PBX3: variants seen among roughly 807,000 people sequenced by gnomAD.
PBX3 encodes pre-B-cell leukemia transcription factor 3.
In PBX3, 14 loss-of-function variants were observed where a neutral mutation model predicts 48.5. The observed-to-expected ratio is 0.29, with a 90% CI of 0.19 to 0.45. The LOEUF (loss-of-function observed/expected upper bound fraction) is 0.45. PBX3 is among the 20% of genes least tolerant of loss of function. The pLI, the probability that PBX3 is intolerant of heterozygous loss-of-function variation, is 1.00. For missense variants in PBX3, 386 were observed against 546.7 expected, an observed-to-expected ratio of 0.71 and a Z score of 2.93; for synonymous variants, 210 against 200.3, an observed-to-expected ratio of 1.05 and a Z score of -0.41.
chr9:125,766,178 G>A (rs973358288), intron 2 of PBX3, among the ~76,000 whole-genome samples: 2 of 151,890 alleles, frequency 1.3e-5, no homozygotes, highest in African/African-American at 4.8e-5. Flanking sequence ...CCTTCTCCAT[G>A]TATTATTAGA....
intron 2 of PBX3, among the ~76,000 whole-genome samples, chr9:125,887,762 A>G (rs1840535213): frequency 6.6e-6 from 1 of 152,234 alleles, no homozygotes; most frequent in Non-Finnish European, 1.5e-5. Context: ...TTCCAGAATT[A>G]GAAAGCTAAT....
intron 2 of PBX3, among the ~76,000 whole-genome samples, chr9:125,808,929 G>C (rs1838206386): frequency 6.6e-6 from 1 of 152,050 alleles, no homozygotes; most frequent in South Asian, 2.1e-4. Flanking sequence ...TATTTTCTTT[G>C]TGGCACATCA....
At chr9:125,888,309 T>A (rs1484701024) in intron 2 of PBX3, among the ~76,000 whole-genome samples, 1 of 152,188 alleles carries the variant, frequency 6.6e-6, no homozygotes, top group African/African-American at 2.4e-5. Context: ...TTATTTTCAG[T>A]TATTGTACCT....
intron 2 of PBX3, among the ~76,000 whole-genome samples, chr9:125,843,309 G>A (rs1053780841): frequency 1.6e-4 from 25 of 152,174 alleles, no homozygotes; most frequent in African/African-American, 5.3e-4. Flanking sequence ...TTACTTAAAT[G>A]TGAGTATAAT....
chr9:125,802,495 A>G (rs1837988227), intron 2 of PBX3, among the ~76,000 whole-genome samples: 1 of 150,216 alleles, frequency 6.7e-6, no homozygotes, highest in South Asian at 2.1e-4. Context: ...CAGCCTCCCA[A>G]GTAGCTGAGA....
intron 1 of PBX3, chr9:125,748,237 G>C: frequency 3.9e-6 from 4 of 1,032,650 alleles, no homozygotes; most frequent in Non-Finnish European, 4.7e-6. Flanking sequence ...CTCCGCACCC[G>C]TCCCCTCCCC....
chr9:125,860,139 G>A (rs2132286505), intron 2 of PBX3, among the ~76,000 whole-genome samples: 1 of 152,318 alleles, frequency 6.6e-6, no homozygotes, highest in Non-Finnish European at 1.5e-5. Flanking sequence ...GCTCATTGTA[G>A]TCACACAGGA....
chr9:125,802,839 C>T (rs1397317559), intron 2 of PBX3, among the ~76,000 whole-genome samples: 9 of 151,716 alleles, frequency 5.9e-5, no homozygotes, highest in Admixed American at 2.0e-4. Context: ...CCACCACACC[C>T]GGGTAATTTT....
At chr9:125,824,866 C>T (rs531187733) in intron 2 of PBX3, among the ~76,000 whole-genome samples, 8 of 152,198 alleles carry the variant, frequency 5.3e-5, no homozygotes, top group Admixed American at 3.9e-4. Context: ...GTTTGCCATG[C>T]GTTGTGAAAA....
chr9:125,891,972 T>G (rs1840656223), intron 2 of PBX3, among the ~76,000 whole-genome samples: 1 of 152,222 alleles, frequency 6.6e-6, no homozygotes, highest in Admixed American at 6.5e-5. Flanking sequence ...CAAGGCTGGA[T>G]GCATTGGCGT....
At chr9:125,758,873 G>A (rs1836589443) in intron 2 of PBX3, among the ~76,000 whole-genome samples, 1 of 152,102 alleles carries the variant, frequency 6.6e-6, no homozygotes, top group South Asian at 2.1e-4. Context: ...TACTTATTGG[G>A]AAAAATAATA....
chr9:125,926,160 A>G (rs1564176140), intron 3 of PBX3, among the ~76,000 whole-genome samples: 1 of 152,214 alleles, frequency 6.6e-6, no homozygotes, highest in Non-Finnish European at 1.5e-5. Flanking sequence ...GTTCAAGAAA[A>G]AGATATATAC....
At chr9:125,821,107 C>A (rs1432780972) in intron 2 of PBX3, among the ~76,000 whole-genome samples, 2 of 152,104 alleles carry the variant, frequency 1.3e-5, no homozygotes, top group Non-Finnish European at 2.9e-5. Context: ...GCCTTTAAAG[C>A]CTCCTGAAGA....
chr9:125,881,083 A>G (rs1187802158), intron 2 of PBX3, among the ~76,000 whole-genome samples: 2 of 152,250 alleles, frequency 1.3e-5, no homozygotes, highest in African/African-American at 2.4e-5. Flanking sequence ...TCCCAGTGAT[A>G]AAATAAACTT....
At chr9:125,766,960 A>G (rs1476763595) in intron 2 of PBX3, among the ~76,000 whole-genome samples, 2 of 152,172 alleles carry the variant, frequency 1.3e-5, no homozygotes, top group African/African-American at 2.4e-5. Flanking sequence ...TTTAATTGCT[A>G]TAGTTTTTTG....
chr9:125,943,597 G>A lies in PBX3; in HGVS notation c.843+7990G>A, dbSNP rs528395204. On this transcript the variant is annotated intron_variant, in intron 5 of 8. Transcript: ENST00000373489. ...TCTCAGCACTGTGTCTAACCTTTCCGCTGCCTTGCTTCCATGAGGCGTTTG... is the reference window on the plus strand; with the variant it reads ...TCTCAGCACTGTGTCTAACCTTTCCACTGCCTTGCTTCCATGAGGCGTTTG... 1.3e-4 allele frequency among the ~76,000 whole-genome samples: 20 copies of A among 151,890 alleles called. No homozygotes were observed. The East Asian group carries it at 1.9e-3, about 15-fold the overall frequency.
At chr9:125,948,067 A>G (rs1842103385) in intron 5 of PBX3, among the ~76,000 whole-genome samples, 1 of 152,258 alleles carries the variant, frequency 6.6e-6, no homozygotes, top group Non-Finnish European at 1.5e-5. Flanking sequence ...AATGATCTGG[A>G]GAGCTGTTAG....
intron 2 of PBX3, among the ~76,000 whole-genome samples, chr9:125,899,452 T>TAG (rs1218388914): frequency 0.012 from 1,052 of 89,070 alleles, 55 homozygotes; most frequent in Non-Finnish European, 0.014. Context: ...TATATATATA[T>TAG]ATAGAGAGAG....
chr9:125,805,114 TA>T (rs1433544594), intron 2 of PBX3, among the ~76,000 whole-genome samples: 1 of 151,448 alleles, frequency 6.6e-6, no homozygotes, highest in Non-Finnish European at 1.5e-5. Context: ...TAAAAGAAAA[TA>T]TTTTTTTGAG....
Sources: gnomAD v4.1 joint callset for allele counts (sites outside exome capture counted in the v4.1 genomes callset) on GRCh38, gnomAD v4.1.1 for gene constraint, MANE v1.5 for transcripts, NCBI Gene and HGNC (gene_info 2026-07-23, HGNC 2026-07-21) for gene names.